Variants in CLPSL2 observed in about 807,000 individuals in gnomAD.
The protein encoded by CLPSL2 is colipase-like protein 2.
Under a neutral mutation model 7.9 loss-of-function variants are expected in CLPSL2, and 4 were observed. That is an observed-to-expected ratio of 0.50 (90% CI 0.25 to 1.15). The LOEUF is 1.15. Ranked by LOEUF, CLPSL2 falls within the 50% of genes most tolerant of loss-of-function variation. The pLI is 0.15. For synonymous variants in CLPSL2, 67 were observed against 53.1 expected, an observed-to-expected ratio of 1.26 and a Z score of -1.14; for missense variants, 132 against 136.6, an observed-to-expected ratio of 0.97 and a Z score of 0.17.
chr6:35,777,488 T>A lies in CLPSL2; in HGVS notation c.114T>A (p.Ser38=). The A allele has an allele frequency of 6.2e-7, 1 of 1,613,784 alleles. No homozygotes were observed. Among genetic ancestry groups the A allele is most frequent in the Non-Finnish European group, 8.5e-7 (1 of 1,179,784 alleles). Residue 38 remains serine (S), a synonymous_variant, in exon 2 of 3, where the codon TCT becomes TCA. Transcript: ENST00000403376. ...TCACAGACAGGTGCTTCCACCACTC[T>A]GAGTGCTACAGTGGCTGCTGCCTCA... ...KKITDRCFHH[S]ECYSGCCLMD...
At chr6:35,778,081 G>A (rs911631428) in intron 2 of CLPSL2, among the ~76,000 whole-genome samples, 2 of 152,070 alleles carry the variant, frequency 1.3e-5, no homozygotes, top group African/African-American at 2.4e-5. Flanking sequence ...TCAGCCTCCC[G>A]AGTAGCTGGG....
In CLPSL2 at chr6:35,777,596, TG is replaced by T; in HGVS notation, c.207+19del. 1 of 1,606,130 alleles carries T rather than the reference TG, an allele frequency of 6.2e-7. No homozygotes were observed. Among genetic ancestry groups the T allele is most frequent in the Non-Finnish European group, 8.5e-7 (1 of 1,176,344 alleles). On this transcript the variant is annotated intron_variant, in intron 2 of 2. Transcript: ENST00000403376. The stretch of plus-strand genomic sequence containing the variant: ...GCTTGCCCCAGGTGAGGCCCTAGTA[TG>T]GGGCAACTTCTGGCAAGTAGAGAAG...
At chr6:35,777,711 C>T (rs936345025) in intron 2 of CLPSL2, 130 bp downstream of exon 2, 63 of 1,090,850 alleles carry the variant, frequency 5.8e-5, no homozygotes, top group Non-Finnish European at 7.3e-5. Flanking sequence ...ACTTGGCAAA[C>T]TCCTACTCAT....
intron 2 of CLPSL2, 73 bp downstream of exon 2, chr6:35,777,654 C>G: frequency 2.0e-6 from 3 of 1,472,068 alleles, no homozygotes; most frequent in Non-Finnish European, 2.7e-6. Flanking sequence ...AAACACCTGG[C>G]CCCACCTGTT....
intron 2 of CLPSL2, chr6:35,777,871 C>G: frequency 1.4e-6 from 1 of 717,738 alleles, no homozygotes; most frequent in Non-Finnish European, 2.6e-6. Flanking sequence ...TCTTCAAGGG[C>G]AGGGATCGCA....
intron 2 of CLPSL2, chr6:35,777,971 T>A (rs779006403): frequency 1.4e-6 from 1 of 710,716 alleles, no homozygotes; most frequent in South Asian, 1.5e-5. Flanking sequence ...GTTTGTTTGT[T>A]TCGAGATGGA....
chr6:35,777,400 C>T, intron 1 of CLPSL2, 59 bp from the exon 2 acceptor site: 3 of 1,584,662 alleles, frequency 1.9e-6, no homozygotes, highest in Non-Finnish European at 8.6e-7. Flanking sequence ...CCTCCCCTAC[C>T]CGCCCACACG....
In CLPSL2 at chr6:35,777,600, G is replaced by A. The variant is rs753083067; in HGVS notation, c.207+19G>A. ...GCCCCAGGTGAGGCCCTAGTATGGGGCAACTTCTGGCAAGTAGAGAAGCGG... is the reference window on the plus strand; with the variant it reads ...GCCCCAGGTGAGGCCCTAGTATGGGACAACTTCTGGCAAGTAGAGAAGCGG... On this transcript the variant is annotated intron_variant, in intron 2 of 2. Transcript: ENST00000403376. The A allele has an allele frequency of 2.5e-6, 4 of 1,600,476 alleles. No homozygotes were observed. In the South Asian group the frequency reaches 3.4e-5, roughly 13 times the overall value.
chr6:35,777,922 T>C (rs759562244), intron 2 of CLPSL2: 12 of 717,126 alleles, frequency 1.7e-5, no homozygotes, highest in Non-Finnish European at 3.1e-5. Context: ...GCTTAGTATC[T>C]GCACATAGTA....
chr6:35,778,316 A>G (rs1339190526), intron 2 of CLPSL2, among the ~76,000 whole-genome samples: 1 of 152,218 alleles, frequency 6.6e-6, no homozygotes, highest in Non-Finnish European at 1.5e-5. Context: ...CAGGGTAAGT[A>G]GGAAATGACC....
chr6:35,776,709 C>A lies in CLPSL2; in HGVS notation c.84+7C>A. 7.2e-7 allele frequency: 1 copy of A among 1,386,780 alleles called. No individual in the cohort carries two copies. Among genetic ancestry groups the A allele is most frequent in the Non-Finnish European group, 9.3e-7 (1 of 1,074,906 alleles). 85.9% of individuals were successfully genotyped at this position (1,386,780 alleles called of 1,614,324 possible). A position where few individuals can be genotyped will look rare whatever the true frequency, so the allele number is the denominator to read the frequency against. ...GCTTCCGCAATATAAAAAGGTGAGC[C>A]GGGGAGCGCGCCCAGCCGGCCGCGA... On this transcript the variant is annotated splice_region_variant and intron_variant, in intron 1 of 2. Transcript: ENST00000403376.
At chr6:35,777,792 G>T in intron 2 of CLPSL2, 1 of 720,824 alleles carries the variant, frequency 1.4e-6, no homozygotes, top group South Asian at 1.5e-5. Flanking sequence ...CCTGGGGTCA[G>T]ACCCTCAGCA....
chr6:35,778,591 A>G (rs1034165588), intron 2 of CLPSL2, among the ~76,000 whole-genome samples: 1 of 152,192 alleles, frequency 6.6e-6, no homozygotes, highest in Admixed American at 6.5e-5. Context: ...GCAGTCCAGC[A>G]TGGTTGTCAC....
chr6:35,776,751 C>T (rs970292321), intron 1 of CLPSL2, 49 bp downstream of exon 1: 6 of 1,335,150 alleles, frequency 4.5e-6, no homozygotes, highest in Non-Finnish European at 5.7e-6. Flanking sequence ...GAGAGGGTGG[C>T]CCCGCCGCCG....
chr6:35,779,272 C>G (rs982281515), intron 2 of CLPSL2, 83 bp from the exon 3 acceptor site: 1 of 1,173,268 alleles, frequency 8.5e-7, no homozygotes, highest in South Asian at 1.5e-5. Context: ...GCCTGGTACT[C>G]TTGGTTCTGG....
At chr6:35,777,647 C>T in intron 2 of CLPSL2, 66 bp downstream of exon 2, 5 of 1,445,682 alleles carry the variant, frequency 3.5e-6, no homozygotes, top group Non-Finnish European at 4.6e-6. Flanking sequence ...AAAAAAAAAA[C>T]ACCTGGCCCC....
In CLPSL2 at chr6:35,779,532, A is replaced by G. The variant is rs1430409464; in HGVS notation, c.*82A>G. ...ACTTGCTCCAAATCCAGCTCCTGAGACATTAAAGTCACTTCCTGTCCTTGG... is the reference window on the plus strand; with the variant it reads ...ACTTGCTCCAAATCCAGCTCCTGAGGCATTAAAGTCACTTCCTGTCCTTGG... On this transcript the variant is annotated 3_prime_UTR_variant, in exon 3 of 3. Transcript: ENST00000403376. 1 of 1,548,446 alleles carries G rather than the reference A, an allele frequency of 6.5e-7. No individual in the cohort carries two copies. The highest frequency in any genetic ancestry group is 1.2e-5 in the South Asian group (1 of 84,006).
At chr6:35,777,928 T>C (rs1767877799) in intron 2 of CLPSL2, 1 of 716,942 alleles carries the variant, frequency 1.4e-6, no homozygotes, top group Non-Finnish European at 2.6e-6. Context: ...TATCTGCACA[T>C]AGTAGGTGCT....
In CLPSL2 at chr6:35,777,404, C is replaced by T. The variant is rs1194523826; in HGVS notation, c.85-55C>T. On this transcript the variant is annotated intron_variant, in intron 1 of 2. Transcript: ENST00000403376. ...ATGGTGGGAACCCTCCCCTACCCGCCCACACGACTCAGGGATTGCTCCCAG... is the reference window on the plus strand; with the variant it reads ...ATGGTGGGAACCCTCCCCTACCCGCTCACACGACTCAGGGATTGCTCCCAG... The T allele has an allele frequency of 2.5e-6, 4 of 1,594,794 alleles. No individual in the cohort carries two copies. The East Asian group carries it at 8.9e-5, about 36-fold the overall frequency.
Sources: gnomAD v4.1 joint callset for allele counts (sites outside exome capture counted in the v4.1 genomes callset) on GRCh38, gnomAD v4.1.1 for gene constraint, MANE v1.5 for transcripts, NCBI Gene and HGNC (gene_info 2026-07-23, HGNC 2026-07-21) for gene names.